The following CACNA2D1 variants were observed in gnomAD, a reference collection of about 807,000 sequenced individuals.
CACNA2D1 encodes the protein calcium voltage-gated channel auxiliary subunit alpha2delta 1.
In CACNA2D1, 53 loss-of-function variants were observed where a neutral mutation model predicts 171.5. The ratio of observed to expected loss-of-function variants is 0.31; its 90% confidence interval spans 0.25 to 0.39. The LOEUF is 0.39. CACNA2D1 is among the 10% of genes least tolerant of loss of function. The pLI is 1.00. For missense variants in CACNA2D1, 903 were observed against 1,299.8 expected (o/e 0.69, Z 4.69); for synonymous variants, 442 against 443.1 (o/e 1.00, Z 0.03).
chr7:81,979,377 C>G (rs1288295073), intron 24 of CACNA2D1, among the ~76,000 whole-genome samples: 1 of 152,064 alleles, frequency 6.6e-6, no homozygotes, highest in Non-Finnish European at 1.5e-5. Flanking sequence ...TAAACAAAAT[C>G]CACTGCCTAT....
At chr7:82,269,107 T>TAGTC (rs1295819553) in intron 3 of CACNA2D1, among the ~76,000 whole-genome samples, 2 of 152,190 alleles carry the variant, frequency 1.3e-5, no homozygotes, top group Non-Finnish European at 2.9e-5. Flanking sequence ...GACCTACACA[T>TAGTC]AGTCCCTCTT....
At chr7:82,185,537 A>G (rs1421875451) in intron 3 of CACNA2D1, among the ~76,000 whole-genome samples, 4 of 15,310 alleles carry the variant, frequency 2.6e-4, no homozygotes, top group Admixed American at 1.0e-3. Context: ...GAGGAGGGGG[A>G]GGAAGGGGAG....
At position 82,443,729 on chromosome 7, in the gene CACNA2D1, C is replaced by A; in HGVS notation, c.-270G>T. 1 of 1,230,072 alleles carries A rather than the reference C, an allele frequency of 8.1e-7. No individual in the cohort carries two copies. Among genetic ancestry groups the A allele is most frequent in the South Asian group, 4.1e-5 (1 of 24,374 alleles). The allele number at this position is 1,230,072 out of a possible 1,614,324, so 76.2% of individuals were successfully genotyped here. A position where few individuals can be genotyped will look rare whatever the true frequency, so the allele number is the denominator to read the frequency against. On this transcript the variant is annotated 5_prime_UTR_variant, in exon 1 of 39. Transcript: ENST00000356860. ...TTGCCTCCGCCGCCATCAAGGGCGA[C>A]TTTGGAAACAGACCTCGGCGAGCCC...
chr7:82,250,752 G>A (rs1805534051), intron 3 of CACNA2D1, among the ~76,000 whole-genome samples: 1 of 151,974 alleles, frequency 6.6e-6, no homozygotes, highest in Admixed American at 6.6e-5. Flanking sequence ...TGGCCCTTTT[G>A]TCTGTTCTTC....
At position 82,122,639 on chromosome 7, in the gene CACNA2D1, T is replaced by C. The variant is rs1789871701; in HGVS notation, c.397-5466A>G. On this transcript the variant is annotated intron_variant, in intron 5 of 38. Transcript: ENST00000356860. ...CAAAAGTATACCCATATCTACACAT[T>C]ATATCTAAATATGTAACCTATATTT... 2.6e-5 allele frequency among the ~76,000 whole-genome samples: 4 copies of C among 152,196 alleles called. No homozygotes were observed. The South Asian group carries it at 8.3e-4, about 31-fold the overall frequency.
chr7:81,961,462 ATC>A, intron 36 of CACNA2D1, among the ~76,000 whole-genome samples: 1 of 151,864 alleles, frequency 6.6e-6, no homozygotes, highest in East Asian at 1.9e-4. Context: ...TTTTTTGTAA[ATC>A]TGTTTAGTTA....
intron 5 of CACNA2D1, among the ~76,000 whole-genome samples, chr7:82,128,958 G>A (rs748976277): frequency 2.0e-5 from 3 of 152,062 alleles, no homozygotes; most frequent in Non-Finnish European, 4.4e-5. Flanking sequence ...ATTACAGCAG[G>A]CTGCAGAATA....
chr7:81,955,238 A>C, intron 38 of CACNA2D1, among the ~76,000 whole-genome samples: 1 of 152,054 alleles, frequency 6.6e-6, no homozygotes, highest in Non-Finnish European at 1.5e-5. Flanking sequence ...GCCCCTTGGT[A>C]GGCTTTGGAG....
At chr7:82,379,669 T>G (rs531051937) in intron 1 of CACNA2D1, among the ~76,000 whole-genome samples, 1 of 152,274 alleles carries the variant, frequency 6.6e-6, no homozygotes, top group Non-Finnish European at 1.5e-5. Context: ...ACTCACTAAC[T>G]TTTTAAAAAC....
At chr7:82,241,744 G>A (rs1804321371) in intron 3 of CACNA2D1, among the ~76,000 whole-genome samples, 1 of 152,132 alleles carries the variant, frequency 6.6e-6, no homozygotes, top group South Asian at 2.1e-4. Context: ...TCTGGGCCCA[G>A]TCACATATAT....
chr7:82,074,974 T>C (rs1313822603), intron 7 of CACNA2D1, among the ~76,000 whole-genome samples: 2 of 152,088 alleles, frequency 1.3e-5, no homozygotes, highest in African/African-American at 4.8e-5. Flanking sequence ...CAACCCGTCA[T>C]CTACATTAGG....
At chr7:82,427,063 TA>T (rs1261846079) in intron 1 of CACNA2D1, among the ~76,000 whole-genome samples, 1 of 152,198 alleles carries the variant, frequency 6.6e-6, no homozygotes, top group African/African-American at 2.4e-5. Context: ...ATCAGTAATA[TA>T]CGCAGTTTCA....
At chr7:82,441,970 C>T (rs1296869003) in intron 1 of CACNA2D1, among the ~76,000 whole-genome samples, 2 of 152,164 alleles carry the variant, frequency 1.3e-5, no homozygotes, top group Non-Finnish European at 2.9e-5. Flanking sequence ...CTGACTGGAA[C>T]ATCCTGCCAA....
chr7:82,217,908 AC>A (rs1801331642), intron 3 of CACNA2D1, among the ~76,000 whole-genome samples: 1 of 112,546 alleles, frequency 8.9e-6, no homozygotes, highest in South Asian at 2.9e-4. Flanking sequence ...CACCAAGACT[AC>A]ATTATTTATT....
At chr7:82,380,881 G>A (rs531366222) in intron 1 of CACNA2D1, among the ~76,000 whole-genome samples, 29 of 152,106 alleles carry the variant, frequency 1.9e-4, no homozygotes, top group Admixed American at 3.3e-4. Flanking sequence ...TTTTAGTCAA[G>A]ACGAGGTTAC....
chr7:82,262,116 G>A (rs1435918149), intron 3 of CACNA2D1, among the ~76,000 whole-genome samples: 1 of 152,222 alleles, frequency 6.6e-6, no homozygotes, highest in Non-Finnish European at 1.5e-5. Context: ...CAGATCACGA[G>A]GTCAGGAGAT....
intron 4 of CACNA2D1, among the ~76,000 whole-genome samples, chr7:82,165,825 T>C (rs1321895765): frequency 6.6e-6 from 1 of 152,044 alleles, no homozygotes; most frequent in Non-Finnish European, 1.5e-5. Flanking sequence ...CAAGAGTGTT[T>C]CAACCAAAGG....
intron 12 of CACNA2D1, among the ~76,000 whole-genome samples, chr7:82,020,602 A>G (rs1039953194): frequency 2.6e-5 from 4 of 152,076 alleles, no homozygotes; most frequent in Non-Finnish European, 5.9e-5. Flanking sequence ...TAAATGATGT[A>G]ATATTTTCCA....
At chr7:82,052,550 T>C (rs1805309405) in intron 10 of CACNA2D1, among the ~76,000 whole-genome samples, 1 of 152,174 alleles carries the variant, frequency 6.6e-6, no homozygotes, top group South Asian at 2.1e-4. Context: ...CCTGTATCAA[T>C]TTCAGACAGT....
Sources: allele counts gnomAD v4.1 joint callset (sites outside exome capture counted in the v4.1 genomes callset), GRCh38; gene constraint gnomAD v4.1.1; transcripts MANE v1.5; gene names NCBI Gene and HGNC (gene_info 2026-07-23, HGNC 2026-07-21).